The following HHAT variants were observed in gnomAD, a reference collection of about 807,000 sequenced individuals.
The protein encoded by HHAT is protein-cysteine N-palmitoyltransferase HHAT.
A neutral mutation model predicts 70.8 loss-of-function variants in HHAT; 47 were observed. That is an observed-to-expected ratio of 0.66 (90% confidence interval 0.53 to 0.85). The LOEUF is 0.85. Ranked by LOEUF, HHAT falls within the 40% of genes least tolerant of loss-of-function variation. The pLI is 0.00. For missense variants in HHAT, 609 were observed against 604.8 expected (o/e 1.01, Z -0.07); for synonymous variants, 228 against 247.6 (o/e 0.92, Z 0.74).
chr1:210,558,818 G>A (rs1241634541), intron 9 of HHAT, among the ~76,000 whole-genome samples: 1 of 152,164 alleles, frequency 6.6e-6, no homozygotes, highest in Non-Finnish European at 1.5e-5. Context: ...GGGGTCATGT[G>A]GCTGGGATGA....
Position 210,362,834 on chromosome 1 carries a change from CT to C in HHAT, c.92-7del, listed in dbSNP as rs371568839. 44,738 of 943,374 alleles carry C rather than the reference CT, an allele frequency of 0.047. No homozygotes were observed. Among genetic ancestry groups the C allele is most frequent in the South Asian group, 0.075 (3,638 of 48,440 alleles). 58.4% of individuals were successfully genotyped at this position (943,374 alleles called of 1,614,324 possible). On this transcript the variant is annotated splice_polypyrimidine_tract_variant and intron_variant, in intron 2 of 11. Transcript: ENST00000261458. ...TGTTTAGATTTGTGACTAACGAAGA[CT>C]TTTTTTTTTTGGTCAGAACACGAAG...
chr1:210,473,850 C>G (rs905648572), intron 8 of HHAT, among the ~76,000 whole-genome samples: 10 of 152,204 alleles, frequency 6.6e-5, no homozygotes, highest in African/African-American at 2.2e-4. Flanking sequence ...TCTGGGTCTG[C>G]TAGCTCTACC....
intron 7 of HHAT, among the ~76,000 whole-genome samples, chr1:210,439,048 G>C (rs1222996334): frequency 6.6e-6 from 1 of 151,872 alleles, no homozygotes; most frequent in East Asian, 1.9e-4. Context: ...TCATGCACAC[G>C]TCACCTTGGG....
At chr1:210,556,694 C>T (rs1484485078) in intron 9 of HHAT, among the ~76,000 whole-genome samples, 2 of 152,196 alleles carry the variant, frequency 1.3e-5, no homozygotes, top group East Asian at 3.9e-4. Context: ...TGTTGATTAG[C>T]TCTTTGAGTT....
intron 11 of HHAT, among the ~76,000 whole-genome samples, chr1:210,646,898 TA>T (rs1674165619): frequency 6.6e-6 from 1 of 152,206 alleles, no homozygotes; most frequent in Non-Finnish European, 1.5e-5. Flanking sequence ...TATTTTAAAA[TA>T]AAAAACATTA....
chr1:210,618,085 A>T (rs1030135865), intron 10 of HHAT, among the ~76,000 whole-genome samples: 1 of 152,222 alleles, frequency 6.6e-6, no homozygotes, highest in Non-Finnish European at 1.5e-5. Flanking sequence ...TGCTGGTAGG[A>T]ACATGAAAGA....
At chr1:210,390,960 T>A (rs532629924) in intron 4 of HHAT, among the ~76,000 whole-genome samples, 1 of 152,364 alleles carries the variant, frequency 6.6e-6, no homozygotes, top group South Asian at 2.1e-4. Context: ...GCTATAAACA[T>A]GCAAGTGCAT....
At chr1:210,444,614 A>G (rs2093596349) in intron 7 of HHAT, among the ~76,000 whole-genome samples, 1 of 151,598 alleles carries the variant, frequency 6.6e-6, no homozygotes, top group Non-Finnish European at 1.5e-5. Flanking sequence ...TTTCTTCTAG[A>G]TTTTCTAGTT....
chr1:210,356,195 G>A (rs895546074), intron 2 of HHAT, among the ~76,000 whole-genome samples: 2 of 151,796 alleles, frequency 1.3e-5, no homozygotes, highest in East Asian at 3.9e-4. Context: ...TTATAGGCAT[G>A]AGCCACTATG....
intron 9 of HHAT, among the ~76,000 whole-genome samples, chr1:210,578,318 A>G (rs1658379888): frequency 6.6e-6 from 1 of 152,172 alleles, no homozygotes; most frequent in Non-Finnish European, 1.5e-5. Context: ...TAGGATGGCT[A>G]TTATTTTCTA....
intron 11 of HHAT, among the ~76,000 whole-genome samples, chr1:210,652,867 T>C (rs1284547991): frequency 1.3e-5 from 2 of 152,170 alleles, no homozygotes; most frequent in Non-Finnish European, 1.5e-5. Context: ...CCTCATAGAT[T>C]CCTGTAGAAG....
At chr1:210,502,707 AT>A (rs1294716810) in intron 8 of HHAT, among the ~76,000 whole-genome samples, 1 of 152,182 alleles carries the variant, frequency 6.6e-6, no homozygotes, top group East Asian at 1.9e-4. Flanking sequence ...AATGTTTGTG[AT>A]GATGCTTTGT....
chr1:210,446,937 A>G (rs2093647052), intron 7 of HHAT, among the ~76,000 whole-genome samples: 1 of 152,184 alleles, frequency 6.6e-6, no homozygotes, highest in South Asian at 2.1e-4. Context: ...ACCTTAGTGA[A>G]CTTGTTTGTC....
chr1:210,656,136 G>C (rs1298844079), intron 11 of HHAT, among the ~76,000 whole-genome samples: 1 of 152,142 alleles, frequency 6.6e-6, no homozygotes, highest in Non-Finnish European at 1.5e-5. Context: ...ATTGGTCTTG[G>C]TTCTGCCTTC....
At chr1:210,502,852 T>C (rs1046155284) in intron 8 of HHAT, among the ~76,000 whole-genome samples, 1 of 152,212 alleles carries the variant, frequency 6.6e-6, no homozygotes, top group African/African-American at 2.4e-5. Flanking sequence ...ATGGTCATAT[T>C]AAGGCACAAC....
intron 11 of HHAT, among the ~76,000 whole-genome samples, chr1:210,658,051 G>A (rs548522830): frequency 3.3e-5 from 5 of 152,264 alleles, no homozygotes; most frequent in East Asian, 1.9e-4. Context: ...CTTCAGTCTC[G>A]TCTTTGTTTA....
At chr1:210,484,458 G>T (rs1455764488) in intron 8 of HHAT, among the ~76,000 whole-genome samples, 1 of 151,050 alleles carries the variant, frequency 6.6e-6, no homozygotes, top group East Asian at 2.0e-4. Flanking sequence ...CCTGAAGAAT[G>T]AATTTTGTCT....
At chr1:210,339,507 T>G (rs752434655) in intron 1 of HHAT, among the ~76,000 whole-genome samples, 1 of 152,140 alleles carries the variant, frequency 6.6e-6, no homozygotes, top group Non-Finnish European at 1.5e-5. Flanking sequence ...GCCTGGTCCT[T>G]AAGGGATGTT....
intron 8 of HHAT, among the ~76,000 whole-genome samples, chr1:210,468,862 CT>C (rs905807873): frequency 1.3e-5 from 2 of 150,958 alleles, no homozygotes; most frequent in South Asian, 2.1e-4. Context: ...TAAAATACTG[CT>C]TTTTTTTTGG....
Sources: allele counts gnomAD v4.1 joint callset (sites outside exome capture counted in the v4.1 genomes callset), GRCh38; gene constraint gnomAD v4.1.1; transcripts MANE v1.5; gene names NCBI Gene and HGNC (gene_info 2026-07-23, HGNC 2026-07-21).